The following AP2A2 variants were observed in gnomAD, a reference collection of about 807,000 sequenced individuals.
AP2A2 encodes the protein AP-2 complex subunit alpha-2.
AP2A2 carries 32 observed loss-of-function variants against 104.2 expected under a neutral mutation model. That is an observed-to-expected ratio of 0.31 (90% CI 0.23 to 0.41). AP2A2 has a LOEUF of 0.41. Among genes scored for constraint, AP2A2 ranks in the 10% least tolerant of loss-of-function variants. The pLI is 1.00. For synonymous variants in AP2A2, 539 were observed against 533.3 expected (o/e 1.01, Z -0.15); for missense variants, 912 against 1,261.0 (o/e 0.72, Z 4.19).
chr11:982,652 CT>C (rs879756517), intron 6 of AP2A2, among the ~76,000 whole-genome samples: 598 of 140,112 alleles, frequency 4.3e-3, no homozygotes, highest in Non-Finnish European at 4.4e-3. Context: ...TTGTGGGAAA[CT>C]TTTTTTTTTT....
In AP2A2 at chr11:993,752, A is replaced by AGCCCGCT; in HGVS notation, c.1551_1557dup. The AGCCCGCT allele has an allele frequency of 6.3e-7, 1 of 1,585,508 alleles. No homozygotes were observed. The highest frequency in any genetic ancestry group is 8.6e-7 in the Non-Finnish European group (1 of 1,169,120). On this transcript the variant is annotated splice_acceptor_variant, in intron 12 of 21. Transcript: ENST00000448903. LOFTEE classifies it high-confidence loss of function. This position sits in a 1 kb window ranked among gnomAD's most constrained non-coding sequence, Gnocchi z 8.2. ...CCCTGTGTTGTGCCTCCCCGTCCCCAGCCCGCTGATCCAGTTCCACCTGCT... is the reference window on the plus strand; with the variant it reads ...CCCTGTGTTGTGCCTCCCCGTCCCCAGCCCGCTGCCCGCTGATCCAGTTCCACCTGCT...
chr11:1,007,942 G>A lies in AP2A2; in HGVS notation c.2297-70G>A, dbSNP rs1392851084. ...GTGCTCGCCTCCACGGGTCCTGCTG[G>A]GGCTCTAGCCCGGCCCGTTTCCGCT... On this transcript the variant is annotated intron_variant, in intron 17 of 21. Coordinates refer to ENST00000448903, the MANE Select transcript of AP2A2 (RefSeq NM_012305.4). 4 of 1,549,114 alleles carry A rather than the reference G, an allele frequency of 2.6e-6. No homozygotes were observed. The African/African-American group carries it at 5.5e-5, about 21-fold the overall frequency.
At chr11:926,123 G>C (rs889908495) in intron 1 of AP2A2, 35 bp downstream of exon 1, 7 of 1,237,262 alleles carry the variant, frequency 5.7e-6, no homozygotes, top group East Asian at 3.4e-5. Flanking sequence ...CCGGGGCCGG[G>C]GCCGCCGGCG....
At chr11:931,204 T>C (rs1279177076) in intron 1 of AP2A2, among the ~76,000 whole-genome samples, 4 of 152,202 alleles carry the variant, frequency 2.6e-5, no homozygotes, top group Non-Finnish European at 4.4e-5. Flanking sequence ...TTGATTGACA[T>C]TGTATTTGAG....
chr11:1,004,750 T>A (rs1281835418), intron 16 of AP2A2, among the ~76,000 whole-genome samples: 4 of 152,228 alleles, frequency 2.6e-5, no homozygotes, highest in Non-Finnish European at 5.9e-5. Flanking sequence ...CACTGCAGCC[T>A]GGGCAACAGA....
chr11:989,661 G>A (rs948101094), intron 10 of AP2A2, among the ~76,000 whole-genome samples: 1 of 152,180 alleles, frequency 6.6e-6, no homozygotes. Context: ...AAACCTGTAC[G>A]TGTGAAAGAC....
chr11:957,504 G>T (rs1854277462), intron 1 of AP2A2, among the ~76,000 whole-genome samples: 1 of 152,224 alleles, frequency 6.6e-6, no homozygotes, highest in African/African-American at 2.4e-5. Flanking sequence ...GACAAGGTAG[G>T]TCAGAGAATT....
rs1009115828 is a variant in AP2A2, at chr11:1,008,342, C to T, written c.2420+207C>T. On this transcript the variant is annotated intron_variant, in intron 18 of 21. Coordinates refer to ENST00000448903, the MANE Select transcript of AP2A2 (RefSeq NM_012305.4). ...GGAGGCGGAGCCCTGGGCTCCGGGA[C>T]GGCAGGTGGCAGCTCCCACATGGGG... The T allele has an allele frequency of 2.7e-5, 19 of 696,992 alleles. No individual in the cohort carries two copies. The East Asian group carries it at 3.3e-4, about 12-fold the overall frequency. The allele number at this position is 696,992 out of a possible 1,614,324, so 43.2% of individuals were successfully genotyped here. A position where few individuals can be genotyped will look rare whatever the true frequency, so the allele number is the denominator to read the frequency against.
chr11:970,370 C>T, intron 3 of AP2A2, 59 bp downstream of exon 3: 1 of 1,586,452 alleles, frequency 6.3e-7, no homozygotes, highest in Non-Finnish European at 8.6e-7. Flanking sequence ...AGGACTGAGG[C>T]CCGGTGCCCG....
intron 1 of AP2A2, among the ~76,000 whole-genome samples, chr11:957,982 G>T (rs998945424): frequency 1.3e-5 from 2 of 152,350 alleles, no homozygotes; most frequent in Non-Finnish European, 2.9e-5. Context: ...GCATCAGTCC[G>T]TCTTTAAGGT....
chr11:1,008,354 G>A, intron 18 of AP2A2: 2 of 610,630 alleles, frequency 3.3e-6, no homozygotes, highest in Non-Finnish European at 2.6e-6. Flanking sequence ...GCAGGTGGCA[G>A]CTCCCACATG....
chr11:929,104 G>A (rs565844199), intron 1 of AP2A2, among the ~76,000 whole-genome samples: 81 of 152,330 alleles, frequency 5.3e-4, no homozygotes, highest in Non-Finnish European at 1.0e-3. Flanking sequence ...AATAATTAAT[G>A]TATATACGTA....
In AP2A2 at chr11:986,794, C is replaced by T. The variant is rs1855473864; in HGVS notation, c.972C>T (p.Asn324=). Residue 324 remains asparagine, a synonymous_variant, in exon 9 of 22, where the codon AAC becomes AAT. Transcript: ENST00000448903. ...SLIIHHDSEP[N]LLVRACNQLG... ...CCCTCCCTCCACACAGTGAGCCGAA[C>T]CTGCTCGTCCGTGCCTGCAACCAGT... 1 of 1,613,152 alleles carries T rather than the reference C, an allele frequency of 6.2e-7. No homozygotes were observed. Among genetic ancestry groups the T allele is most frequent in the African/African-American group, 1.3e-5 (1 of 74,926 alleles).
intron 1 of AP2A2, among the ~76,000 whole-genome samples, chr11:926,465 T>C (rs1305033849): frequency 3.3e-5 from 5 of 151,846 alleles, no homozygotes; most frequent in Admixed American, 3.3e-4. Context: ...CACTCCCGTT[T>C]GCTGGTCCGT....
At chr11:974,122 A>C (rs1344952341) in intron 4 of AP2A2, among the ~76,000 whole-genome samples, 1 of 151,696 alleles carries the variant, frequency 6.6e-6, no homozygotes, top group African/African-American at 2.4e-5. Flanking sequence ...GCCAGTGCAC[A>C]GCATCTGCAG....
At chr11:934,413 A>G (rs922074812) in intron 1 of AP2A2, among the ~76,000 whole-genome samples, 1 of 152,204 alleles carries the variant, frequency 6.6e-6, no homozygotes, top group Non-Finnish European at 1.5e-5. Context: ...GGTGTGAGCC[A>G]CTGCGCCCAG....
At chr11:940,888 T>C in intron 1 of AP2A2, 2 of 456,176 alleles carry the variant, frequency 4.4e-6, no homozygotes, top group Non-Finnish European at 8.8e-6. Context: ...CTCTCTTCTC[T>C]TGCTTGGTGA....
In AP2A2 at chr11:992,347, T is replaced by C; in HGVS notation, c.1270-156T>C. On this transcript the variant is annotated intron_variant, in intron 10 of 21. Coordinates refer to ENST00000448903, the MANE Select transcript of AP2A2 (RefSeq NM_012305.4). The surrounding 1 kb of genome is among the most constrained non-coding windows in gnomAD (Gnocchi z 6.4). ...TCTTAAACTTTCTGGGCTCGTGGGC[T>C]TTTTTGAGAATCGAGTTCAAGCTTC... is the stretch of plus-strand genomic sequence containing the variant. The C allele has an allele frequency of 1.1e-5, 8 of 758,370 alleles. No individual in the cohort carries two copies. In the South Asian group the frequency reaches 1.4e-4, roughly 13 times the overall value. 47.0% of individuals were successfully genotyped at this position (758,370 alleles called of 1,614,324 possible). A position where few individuals can be genotyped will look rare whatever the true frequency, so the allele number is the denominator to read the frequency against.
intron 14 of AP2A2, among the ~76,000 whole-genome samples, chr11:998,156 G>A (rs1479562740): frequency 2.0e-5 from 3 of 152,192 alleles, no homozygotes; most frequent in Non-Finnish European, 4.4e-5. Flanking sequence ...ATCGAGACAC[G>A]CCTTGGATAT....
Sources: allele counts gnomAD v4.1 joint callset (sites outside exome capture counted in the v4.1 genomes callset), GRCh38; gene constraint gnomAD v4.1.1; non-coding constraint Gnocchi (gnomAD v3.1); transcripts MANE v1.5; gene names NCBI Gene and HGNC (gene_info 2026-07-23, HGNC 2026-07-21).